Variants in ELAPOR2 observed in about 807,000 individuals in gnomAD.
ELAPOR2 encodes endosome-lysosome associated apoptosis and autophagy regulator family member 2, also known as endosome/lysosome-associated apoptosis and autophagy regulator family member 2.
Under a neutral mutation model 120.7 loss-of-function variants are expected in ELAPOR2, and 89 were observed. That is an observed-to-expected ratio of 0.74 (90% CI 0.62 to 0.88). The LOEUF is 0.88. ELAPOR2 is among the 40% of genes least tolerant of loss of function. The pLI, the probability that ELAPOR2 is intolerant of heterozygous loss-of-function variation, is 0.00. For synonymous variants in ELAPOR2, 444 were observed against 444.9 expected (o/e 1.00, Z 0.03); for missense variants, 1,134 against 1,251.6 (o/e 0.91, Z 1.42).
chr7:86,914,041 T>C (rs1168420249), intron 13 of ELAPOR2, among the ~76,000 whole-genome samples: 1 of 152,154 alleles, frequency 6.6e-6, no homozygotes, highest in Non-Finnish European at 1.5e-5. Context: ...ACTGAAAGCC[T>C]GAAGAGAAGA....
At chr7:87,042,654 A>T (rs1197660515) in intron 1 of ELAPOR2, among the ~76,000 whole-genome samples, 1 of 152,226 alleles carries the variant, frequency 6.6e-6, no homozygotes, top group Non-Finnish European at 1.5e-5. Flanking sequence ...CACAAGAGAA[A>T]GCAGGAAAGA....
intron 1 of ELAPOR2, among the ~76,000 whole-genome samples, chr7:86,985,224 C>T (rs1463278243): frequency 6.6e-6 from 1 of 152,144 alleles, no homozygotes; most frequent in African/African-American, 2.4e-5. Context: ...AAAAAAAGTT[C>T]AGGACCAGAT....
chr7:87,037,803 T>C (rs753921104), intron 1 of ELAPOR2, among the ~76,000 whole-genome samples: 15 of 152,262 alleles, frequency 9.9e-5, no homozygotes, highest in Non-Finnish European at 2.1e-4. Context: ...ATGTTATACA[T>C]GTTATTTTCT....
intron 1 of ELAPOR2, among the ~76,000 whole-genome samples, chr7:86,989,419 C>A (rs1255501658): frequency 6.6e-6 from 1 of 152,152 alleles, no homozygotes; most frequent in Non-Finnish European, 1.5e-5. Flanking sequence ...TATTGCTTCT[C>A]CAAGTGTTCT....
chr7:87,037,903 CAG>C (rs1794640659), intron 1 of ELAPOR2, among the ~76,000 whole-genome samples: 1 of 152,128 alleles, frequency 6.6e-6, no homozygotes, highest in African/African-American at 2.4e-5. Context: ...GCTCTGACAC[CAG>C]AGTTTCTTTA....
intron 1 of ELAPOR2, among the ~76,000 whole-genome samples, chr7:87,049,733 T>C (rs1216239213): frequency 6.6e-6 from 1 of 152,198 alleles, no homozygotes; most frequent in Non-Finnish European, 1.5e-5. Context: ...GGAGCATGCA[T>C]AACACATTCT....
At chr7:86,983,816 G>C (rs1562955220) in intron 1 of ELAPOR2, among the ~76,000 whole-genome samples, 1 of 152,134 alleles carries the variant, frequency 6.6e-6, no homozygotes, top group Non-Finnish European at 1.5e-5. Flanking sequence ...ATAATGACAG[G>C]ATCAAATTCA....
chr7:87,005,247 T>C (rs574113644), intron 1 of ELAPOR2, among the ~76,000 whole-genome samples: 1 of 152,300 alleles, frequency 6.6e-6, no homozygotes, highest in Non-Finnish European at 1.5e-5. Context: ...TTGCTTTTAC[T>C]GTATTTACTA....
intron 1 of ELAPOR2, among the ~76,000 whole-genome samples, chr7:87,008,138 A>C (rs1793544163): frequency 6.6e-6 from 1 of 152,206 alleles, no homozygotes; most frequent in Admixed American, 6.5e-5. Flanking sequence ...AATGGAACAC[A>C]ATGATATCAC....
chr7:86,996,288 A>G (rs1041875490), intron 1 of ELAPOR2, among the ~76,000 whole-genome samples: 3 of 152,172 alleles, frequency 2.0e-5, no homozygotes, highest in Non-Finnish European at 4.4e-5. Flanking sequence ...ATGAGATGGC[A>G]CCAGCCATGG....
At chr7:86,899,963 C>T (rs1788640164) in intron 18 of ELAPOR2, among the ~76,000 whole-genome samples, 1 of 151,610 alleles carries the variant, frequency 6.6e-6, no homozygotes, top group Admixed American at 6.6e-5. Context: ...TCCATACTTT[C>T]CACCTTCTAG....
At chr7:86,945,968 T>C (rs1790984449) in intron 3 of ELAPOR2, among the ~76,000 whole-genome samples, 1 of 151,994 alleles carries the variant, frequency 6.6e-6, no homozygotes, top group Admixed American at 6.6e-5. Context: ...TATATACACA[T>C]AAGAACCCAT....
At chr7:86,953,511 T>C (rs967243935) in intron 2 of ELAPOR2, among the ~76,000 whole-genome samples, 1 of 152,200 alleles carries the variant, frequency 6.6e-6, no homozygotes, top group African/African-American at 2.4e-5. Context: ...TACCTTGGCA[T>C]TTGTTCTTTA....
intron 1 of ELAPOR2, among the ~76,000 whole-genome samples, chr7:86,979,879 T>C (rs1436310454): frequency 6.6e-6 from 1 of 152,228 alleles, no homozygotes; most frequent in Non-Finnish European, 1.5e-5. Context: ...CTGTTTCTGG[T>C]TGGGCCAGTA....
At chr7:87,036,731 T>C (rs560737500) in intron 1 of ELAPOR2, among the ~76,000 whole-genome samples, 1 of 152,134 alleles carries the variant, frequency 6.6e-6, no homozygotes, top group African/African-American at 2.4e-5. Flanking sequence ...CAGCTAAACA[T>C]TGGGTACTCA....
At chr7:87,056,363 A>G (rs1361680059) in intron 1 of ELAPOR2, among the ~76,000 whole-genome samples, 2 of 152,242 alleles carry the variant, frequency 1.3e-5, no homozygotes, top group Non-Finnish European at 2.9e-5. Context: ...TTTACCTTTT[A>G]TAAGTTCACC....
chr7:87,036,478 T>C (rs1222754101), intron 1 of ELAPOR2, among the ~76,000 whole-genome samples: 2 of 152,066 alleles, frequency 1.3e-5, no homozygotes, highest in East Asian at 1.9e-4. Flanking sequence ...GGAGACCCTA[T>C]CTTTAAAAAG....
At chr7:86,959,733 C>T (rs768100460) in intron 2 of ELAPOR2, among the ~76,000 whole-genome samples, 52 of 152,014 alleles carry the variant, frequency 3.4e-4, no homozygotes, top group Admixed American at 3.3e-4. Flanking sequence ...CTGTATTTTG[C>T]TCTAATCTTC....
chr7:86,961,757 G>A (rs180682594), intron 2 of ELAPOR2, among the ~76,000 whole-genome samples: 1 of 152,348 alleles, frequency 6.6e-6, no homozygotes, highest in Non-Finnish European at 1.5e-5. Context: ...AAAACAAAGA[G>A]TGTTGTGGTT....
Sources: allele counts gnomAD v4.1 joint callset (sites outside exome capture counted in the v4.1 genomes callset), GRCh38; gene constraint gnomAD v4.1.1; transcripts MANE v1.5; gene names NCBI Gene and HGNC (gene_info 2026-07-23, HGNC 2026-07-21).